Variants in SIRT1 observed in about 807,000 individuals in gnomAD.
SIRT1 encodes sirtuin 1.
Under a neutral mutation model 67.9 loss-of-function variants are expected in SIRT1, and 24 were observed. The ratio of observed to expected loss-of-function variants is 0.35; its 90% confidence interval spans 0.26 to 0.50. The LOEUF (loss-of-function observed/expected upper bound fraction) is 0.50. SIRT1 is among the 20% of genes least tolerant of loss of function. The pLI, the probability that SIRT1 is intolerant of heterozygous loss-of-function variation, is 0.98. For synonymous variants in SIRT1, 378 were observed against 350.7 expected (o/e 1.08, Z -0.87); for missense variants, 873 against 937.2 (o/e 0.93, Z 0.89).
chr10:67,911,839 C>T (rs1842905339), intron 7 of SIRT1, among the ~76,000 whole-genome samples: 1 of 130,660 alleles, frequency 7.7e-6, no homozygotes, highest in Non-Finnish European at 1.6e-5. Context: ...AGTGCAATGG[C>T]ATGATCTCGG....
chr10:67,911,293 A>G (rs1049381254), intron 7 of SIRT1, among the ~76,000 whole-genome samples: 16 of 152,156 alleles, frequency 1.1e-4, no homozygotes, highest in Non-Finnish European at 2.2e-4. Flanking sequence ...TCCTGGGGAC[A>G]AGCAGTCCTT....
chr10:67,911,257 A>G (rs1354687789), intron 7 of SIRT1, among the ~76,000 whole-genome samples: 1 of 152,186 alleles, frequency 6.6e-6, no homozygotes, highest in Non-Finnish European at 1.5e-5. Flanking sequence ...GCAGTGGTGC[A>G]GTTTCAGCTC....
In SIRT1 at chr10:67,885,159, G is replaced by A. The variant is rs1028739538; in HGVS notation, c.430+8G>A. Reference sequence around the variant, plus strand: ...CGGCGATTGGGTACCGAGGTGCGCAGGGTGCGGGCGGCCGGAACTGCGCAT... The same window carrying A: ...CGGCGATTGGGTACCGAGGTGCGCAAGGTGCGGGCGGCCGGAACTGCGCAT... On this transcript the variant is annotated splice_region_variant and intron_variant, in intron 1 of 8. Coordinates refer to ENST00000212015, the MANE Select transcript of SIRT1 (RefSeq NM_012238.5). 5 of 1,378,428 alleles carry A rather than the reference G, an allele frequency of 3.6e-6. No homozygotes were observed. In the Admixed American group the frequency reaches 1.0e-4, roughly 29 times the overall value. 85.4% of individuals were successfully genotyped at this position (1,378,428 alleles called of 1,614,324 possible).
At chr10:67,896,784 A>T (rs1842665027) in intron 4 of SIRT1, among the ~76,000 whole-genome samples, 1 of 151,510 alleles carries the variant, frequency 6.6e-6, no homozygotes, top group South Asian at 2.1e-4. Context: ...AAAAAAAAAA[A>T]AAATTCGCTG....
At chr10:67,901,043 C>T (rs1163457200) in intron 4 of SIRT1, among the ~76,000 whole-genome samples, 3 of 151,876 alleles carry the variant, frequency 2.0e-5, no homozygotes, top group Non-Finnish European at 2.9e-5. Context: ...TCATTTGGTT[C>T]GTAATATGTA....
rs1029337750 is a variant in SIRT1 at position 67,893,379 on chromosome 10, T to C, written c.942+1825T>C. The stretch of plus-strand genomic sequence containing the variant: ...GTTCTTATTGTTCAACTCTCACTTA[T>C]GAGTGAGGACATGTGGTGTTTGGTT... On this transcript the variant is annotated intron_variant, in intron 4 of 8. Transcript: ENST00000212015. Among the ~76,000 whole-genome samples, 16 of 152,128 alleles carry C rather than the reference T, an allele frequency of 1.1e-4. No homozygotes were observed. In the South Asian group the frequency reaches 2.5e-3, roughly 24 times the overall value.
intron 4 of SIRT1, among the ~76,000 whole-genome samples, chr10:67,900,163 T>G (rs1842719737): frequency 6.6e-6 from 1 of 152,198 alleles, no homozygotes; most frequent in Admixed American, 6.5e-5. Flanking sequence ...ATTTATTTTT[T>G]GAGACAGAGT....
At chr10:67,890,712 G>A (rs1050232914) in intron 3 of SIRT1, among the ~76,000 whole-genome samples, 1 of 151,766 alleles carries the variant, frequency 6.6e-6, no homozygotes, top group East Asian at 1.9e-4. Context: ...CAGCCTGGGC[G>A]TCAGAGCGAA....
At chr10:67,901,529 A>T (rs1842744925) in intron 4 of SIRT1, among the ~76,000 whole-genome samples, 2 of 152,334 alleles carry the variant, frequency 1.3e-5, no homozygotes, top group South Asian at 4.1e-4. Flanking sequence ...TATGCTTTGC[A>T]GACTGCATAG....
intron 4 of SIRT1, among the ~76,000 whole-genome samples, chr10:67,893,203 A>G (rs35598722): frequency 0.11 from 16,897 of 152,282 alleles, 969 homozygotes; most frequent in South Asian, 0.15. Flanking sequence ...ATAGGTATAC[A>G]TGTGCCATGG....
At chr10:67,907,497 A>AT (rs1390519714) in intron 5 of SIRT1, among the ~76,000 whole-genome samples, 53 of 148,390 alleles carry the variant, frequency 3.6e-4, no homozygotes, top group South Asian at 2.2e-3. Flanking sequence ...TGTCAAAAAA[A>AT]AAAAAAAAAA....
chr10:67,907,061 T>C, intron 5 of SIRT1, 124 bp downstream of exon 5: 4 of 860,254 alleles, frequency 4.6e-6, no homozygotes, highest in Non-Finnish European at 6.7e-6. Flanking sequence ...ATCTCATTTA[T>C]CGATAACCTC....
At position 67,885,056 on chromosome 10, in the gene SIRT1, G is replaced by C; in HGVS notation, c.335G>C (p.Arg112Pro). 3 of 1,430,574 alleles carry C rather than the reference G, an allele frequency of 2.1e-6. No homozygotes were observed. The South Asian group carries it at 4.3e-5, about 20-fold the overall frequency. The allele number at this position is 1,430,574 out of a possible 1,614,324, so 88.6% of individuals were successfully genotyped here. ...DNGPGLQGPS[R>P]EPPLADNLYD... ...GGGCCGGGCCTGCAGGGCCCATCTCGGGAGCCACCGCTGGCCGACAACTTG... is the reference window on the plus strand; with the variant it reads ...GGGCCGGGCCTGCAGGGCCCATCTCCGGAGCCACCGCTGGCCGACAACTTG... Residue 112 changes from arginine to proline, a missense_variant, in exon 1 of 9, where the codon CGG (arginine) becomes CCG (proline). Arg to Pro is a moderately radical substitution (Grantham distance 103, BLOSUM62 -2). Coordinates refer to ENST00000212015, the MANE Select transcript of SIRT1 (RefSeq NM_012238.5).
Position 67,885,521 on chromosome 10 carries a change from TC to T in SIRT1, c.430+372del, listed in dbSNP as rs369877879. 1.5e-5 allele frequency: 10 copies of T among 663,928 alleles called. No individual in the cohort carries two copies. The African/African-American group carries it at 1.9e-4, about 13-fold the overall frequency. The allele number at this position is 663,928 out of a possible 1,614,324, so 41.1% of individuals were successfully genotyped here. On this transcript the variant is annotated intron_variant, in intron 1 of 8. Coordinates refer to ENST00000212015, the MANE Select transcript of SIRT1 (RefSeq NM_012238.5). ...TTATTTTTTATTTTCATTGCTTTTCTCCTCTACCCCCCAGCACACTTAAGTC... is the reference window on the plus strand; with the variant it reads ...TTATTTTTTATTTTCATTGCTTTTCTCTCTACCCCCCAGCACACTTAAGTC...
Position 67,916,278 on chromosome 10 carries a change from G to A in SIRT1, c.1929G>A (p.Leu643=), listed in dbSNP as rs759178842. The A allele has an allele frequency of 4.4e-6, 7 of 1,599,024 alleles. No individual in the cohort carries two copies. The highest frequency in any genetic ancestry group is 5.1e-6 in the Non-Finnish European group (6 of 1,167,728). Residue 643 remains leucine (L), a synonymous_variant, in exon 9 of 9, where the codon CTG becomes CTA. Transcript: ENST00000212015. ...ISRRLDGNQY[L]FLPPNRYIFH... Reference sequence around the variant, plus strand: ...ACTGTATTTCAGGTAATCAGTATCTGTTTTTGCCACCAAATCGTTACATTT... The same window carrying A: ...ACTGTATTTCAGGTAATCAGTATCTATTTTTGCCACCAAATCGTTACATTT...
Position 67,884,736 on chromosome 10 carries a change from G to A in SIRT1, c.15G>A (p.Ala5=), listed in dbSNP as rs772520587. 6.5e-4 allele frequency: 793 copies of A among 1,229,002 alleles called. 2 individuals are homozygous for A. Among genetic ancestry groups the A allele is most frequent in the Non-Finnish European group, 7.3e-4 (723 of 986,282 alleles). The allele number at this position is 1,229,002 out of a possible 1,614,324, so 76.1% of individuals were successfully genotyped here. Reference sequence around the variant, plus strand: ...GCAGTTGGAAGATGGCGGACGAGGCGGCCCTCGCCCTTCAGCCCGGCGGCT... The same window carrying A: ...GCAGTTGGAAGATGGCGGACGAGGCAGCCCTCGCCCTTCAGCCCGGCGGCT... MADE[A]ALALQPGGSP... Residue 5 remains alanine, a synonymous_variant, in exon 1 of 9, where the codon GCG becomes GCA. Coordinates refer to ENST00000212015, the MANE Select transcript of SIRT1 (RefSeq NM_012238.5).
In SIRT1 at chr10:67,917,825, C is replaced by A. The variant is rs199830798; in HGVS notation, c.*1232C>A. 5 of 152,604 alleles carry A rather than the reference C, an allele frequency of 3.3e-5. No individual in the cohort carries two copies. Among genetic ancestry groups the A allele is most frequent in the Admixed American group, 2.0e-4 (3 of 15,284 alleles). 9.5% of individuals were successfully genotyped at this position (152,604 alleles called of 1,614,324 possible). The stretch of plus-strand genomic sequence containing the variant: ...AGCCTGCCTTAAAACTAGAGATCAA[C>A]TTTCTCAGCTGCAAAAGCTTCTAGT... On this transcript the variant is annotated 3_prime_UTR_variant, in exon 9 of 9. Coordinates refer to ENST00000212015, the MANE Select transcript of SIRT1 (RefSeq NM_012238.5).
Position 67,906,784 on chromosome 10 carries a change from A to G in SIRT1, c.943-6A>G. The G allele has an allele frequency of 6.2e-7, 1 of 1,608,750 alleles. No individual in the cohort carries two copies. Among genetic ancestry groups the G allele is most frequent in the South Asian group, 1.1e-5 (1 of 89,498 alleles). ...GTAAATTTTTTCTACCATTTGCTTG[A>G]TACAGGAAATATATCCTGGACAATT... On this transcript the variant is annotated splice_polypyrimidine_tract_variant and splice_region_variant and intron_variant, in intron 4 of 8. Coordinates refer to ENST00000212015, the MANE Select transcript of SIRT1 (RefSeq NM_012238.5).
intron 4 of SIRT1, among the ~76,000 whole-genome samples, chr10:67,899,503 A>G (rs928563887): frequency 3.3e-5 from 5 of 151,962 alleles, no homozygotes; most frequent in African/African-American, 1.2e-4. Context: ...TCAGGGGGAA[A>G]AAAAATTTGT....
Sources: gnomAD v4.1 joint callset for allele counts (sites outside exome capture counted in the v4.1 genomes callset) on GRCh38, gnomAD v4.1.1 for gene constraint, MANE v1.5 for transcripts, NCBI Gene and HGNC (gene_info 2026-07-23, HGNC 2026-07-21) for gene names.